FNDC4: variants seen among roughly 807,000 people sequenced by gnomAD.
FNDC4 encodes the protein fibronectin type III domain containing 4.
A neutral mutation model predicts 25.1 loss-of-function variants in FNDC4; 11 were observed. The observed-to-expected ratio is 0.44, with a 90% CI of 0.28 to 0.73. FNDC4 has a LOEUF of 0.73. FNDC4 is among the 30% of genes least tolerant of loss of function. The probability of loss-of-function intolerance (pLI) is 0.16; values close to 1 mark genes in which losing one functional copy is unlikely to be tolerated. For synonymous variants in FNDC4, 136 were observed against 118.8 expected (o/e 1.14, Z -0.94); for missense variants, 250 against 304.3 (o/e 0.82, Z 1.33).
chr2:27,494,520 C>T lies in FNDC4; in HGVS notation c.133+27G>A, dbSNP rs1185096237. ...TCACCCATTGACTAGCTGTGGTTGA[C>T]CCTCAGCCCCGTTCCCCTTTACTTA... On this transcript the variant is annotated intron_variant, in intron 2 of 6. Transcript: ENST00000264703. The surrounding 1 kb of genome is among the most constrained non-coding windows in gnomAD (Gnocchi z 4.6). 7 of 1,612,220 alleles carry T rather than the reference C, an allele frequency of 4.3e-6. No individual in the cohort carries two copies. The highest frequency in any genetic ancestry group is 1.7e-5 in the Admixed American group (1 of 59,690).
In FNDC4 at chr2:27,493,929, C is replaced by T; in HGVS notation, c.454+1G>A. ...GAGAATCCAATAGCACAGATCCTCA[C>T]CTGGGCTTGAACTGTTTGAAGGTAG... On this transcript the variant is annotated splice_donor_variant, in intron 4 of 6. Coordinates refer to ENST00000264703, the MANE Select transcript of FNDC4 (RefSeq NM_022823.3). LOFTEE classifies it high-confidence loss of function. 1 of 1,614,158 alleles carries T rather than the reference C, an allele frequency of 6.2e-7. No individual in the cohort carries two copies. The highest frequency in any genetic ancestry group is 8.5e-7 in the Non-Finnish European group (1 of 1,179,946).
Position 27,492,405 on chromosome 2 carries a change from G to C in FNDC4, c.*38C>G, listed in dbSNP as rs1262232634. ...CCCCCTGACCCCATCCCTATCCCCA[G>C]TTGTTAGTGCATCTCTCTTCTGGGT... On this transcript the variant is annotated 3_prime_UTR_variant, in exon 7 of 7. Transcript: ENST00000264703. This position sits in a 1 kb window ranked among gnomAD's most constrained non-coding sequence, Gnocchi z 4.1. 1 of 1,613,712 alleles carries C rather than the reference G, an allele frequency of 6.2e-7. No individual in the cohort carries two copies.
chr2:27,494,676 G>GCATCCGCTTGA lies in FNDC4; in HGVS notation c.-8_3dup (p.Pro2SerfsTer30), dbSNP rs760235499. 1.3e-6 allele frequency: 2 copies of GCATCCGCTTGA among 1,546,058 alleles called. No homozygotes were observed. Among genetic ancestry groups the GCATCCGCTTGA allele is most frequent in the Non-Finnish European group, 8.7e-7 (1 of 1,148,380 alleles). ...GGGGGGGAACTGTGGCATCCGCTTG[G>GCATCCGCTTGA]CATCCGCTTGACATCCAGGCGGGGC... On this transcript the variant is annotated frameshift_variant, in exon 2 of 7. Transcript: ENST00000264703. LOFTEE classifies it high-confidence loss of function. The surrounding 1 kb of genome is among the most constrained non-coding windows in gnomAD (Gnocchi z 4.6).
chr2:27,493,563 A>C lies in FNDC4; in HGVS notation c.455-85T>G, dbSNP rs1018158507. 2.5e-5 allele frequency: 28 copies of C among 1,102,776 alleles called. No homozygotes were observed. The African/African-American group carries it at 3.7e-4, about 14-fold the overall frequency. 68.3% of individuals were successfully genotyped at this position (1,102,776 alleles called of 1,614,324 possible). A position where few individuals can be genotyped will look rare whatever the true frequency, so the allele number is the denominator to read the frequency against. ...GCAGGATGGAGATGCTGGGGATTAG[A>C]AAGGGTGGACCCATCATAATGTTGC... On this transcript the variant is annotated intron_variant, in intron 4 of 6. Coordinates refer to ENST00000264703, the MANE Select transcript of FNDC4 (RefSeq NM_022823.3).
Position 27,492,340 on chromosome 2 carries a change from T to C in FNDC4, c.*103A>G. Reference sequence around the variant, plus strand: ...CAGGCCTGAGATTGTGGGAGTGGCATTACCCTCTGGGAGTCTCGGGCAGAT... The same window carrying C: ...CAGGCCTGAGATTGTGGGAGTGGCACTACCCTCTGGGAGTCTCGGGCAGAT... On this transcript the variant is annotated 3_prime_UTR_variant, in exon 7 of 7. Coordinates refer to ENST00000264703, the MANE Select transcript of FNDC4 (RefSeq NM_022823.3). This position sits in a 1 kb window ranked among gnomAD's most constrained non-coding sequence, Gnocchi z 4.1. 7.1e-7 allele frequency: 1 copy of C among 1,404,948 alleles called. No individual in the cohort carries two copies. Among genetic ancestry groups the C allele is most frequent in the Non-Finnish European group, 1.0e-6 (1 of 990,540 alleles). The allele number at this position is 1,404,948 out of a possible 1,614,324, so 87.0% of individuals were successfully genotyped here. A position where few individuals can be genotyped will look rare whatever the true frequency, so the allele number is the denominator to read the frequency against.
rs1455075716 is a variant in FNDC4 at position 27,492,424 on chromosome 2, T to G, written c.*19A>C. ...TCCCCAGTTGTTAGTGCATCTCTCT[T>G]CTGGGTGTGTTTCTTCACTCAAACG... On this transcript the variant is annotated 3_prime_UTR_variant, in exon 7 of 7. Transcript: ENST00000264703. This position sits in a 1 kb window ranked among gnomAD's most constrained non-coding sequence, Gnocchi z 4.1. 1.2e-6 allele frequency: 2 copies of G among 1,614,086 alleles called. No homozygotes were observed. Among genetic ancestry groups the G allele is most frequent in the South Asian group, 2.2e-5 (2 of 91,086 alleles).
In FNDC4 at chr2:27,492,795, AAC is replaced by A; in HGVS notation, c.545-7_545-6del. ...GGCAGAACAGCCCAATTACAGCTGA[AAC>A]ACAATACAGTCTGAGCCTTCATCTC... On this transcript the variant is annotated splice_region_variant and splice_polypyrimidine_tract_variant and intron_variant, in intron 5 of 6. Transcript: ENST00000264703. This position sits in a 1 kb window ranked among gnomAD's most constrained non-coding sequence, Gnocchi z 4.1. 5 of 1,614,034 alleles carry A rather than the reference AAC, an allele frequency of 3.1e-6. No homozygotes were observed. Among genetic ancestry groups the A allele is most frequent in the Non-Finnish European group, 4.2e-6 (5 of 1,180,016 alleles).
At position 27,492,852 on chromosome 2, in the gene FNDC4, G is replaced by T. The variant is rs145335408; in HGVS notation, c.545-62C>A. On this transcript the variant is annotated intron_variant, in intron 5 of 6. Transcript: ENST00000264703. The surrounding 1 kb of genome is among the most constrained non-coding windows in gnomAD (Gnocchi z 4.1). ...TCCCCCCTCATAGGGAGATACCTAC[G>T]TAGCTTCTAGAAAATCCATGAAGAA... 2 of 1,597,504 alleles carry T rather than the reference G, an allele frequency of 1.3e-6. No homozygotes were observed. The highest frequency in any genetic ancestry group is 1.3e-5 in the African/African-American group (1 of 74,706).
Position 27,494,438 on chromosome 2 carries a change from C to G in FNDC4, c.162G>C (p.Thr54=). 2.5e-6 allele frequency: 4 copies of G among 1,614,120 alleles called. No homozygotes were observed. Among genetic ancestry groups the G allele is most frequent in the Non-Finnish European group, 3.4e-6 (4 of 1,180,004 alleles). Residue 54 remains threonine (T), a synonymous_variant, in exon 3 of 7, where the codon ACG becomes ACC. Transcript: ENST00000264703. This position sits in a 1 kb window ranked among gnomAD's most constrained non-coding sequence, Gnocchi z 4.6. Reference sequence around the variant, plus strand: ...CCGAGTTGGCTCTGAGGTGAGTGACCGTCACATTCACAGGAGAGGGAGGCC... The same window carrying G: ...CCGAGTTGGCTCTGAGGTGAGTGACGGTCACATTCACAGGAGAGGGAGGCC... The part of the protein sequence containing the change: ...ADRPPSPVNV[T]VTHLRANSAT...
intron 4 of FNDC4, 129 bp from the exon 5 acceptor site, chr2:27,493,607 C>T (rs990139810): frequency 2.4e-6 from 2 of 834,996 alleles, no homozygotes; most frequent in Non-Finnish European, 4.0e-6. Context: ...TGTAGGGTAG[C>T]CCCTCCCTGG....
At chr2:27,493,693 G>C (rs535208464) in intron 4 of FNDC4, among the ~76,000 whole-genome samples, 132 of 152,326 alleles carry the variant, frequency 8.7e-4, no homozygotes, top group African/African-American at 3.1e-3. Flanking sequence ...ACTCATGCAG[G>C]CTGCAGCTGA....
At position 27,492,939 on chromosome 2, in the gene FNDC4, C is replaced by G; in HGVS notation, c.545-149G>C. 1 of 766,230 alleles carries G rather than the reference C, an allele frequency of 1.3e-6. No homozygotes were observed. Among genetic ancestry groups the G allele is most frequent in the Non-Finnish European group, 2.2e-6 (1 of 460,242 alleles). 47.5% of individuals were successfully genotyped at this position (766,230 alleles called of 1,614,324 possible). On this transcript the variant is annotated intron_variant, in intron 5 of 6. Transcript: ENST00000264703. This position sits in a 1 kb window ranked among gnomAD's most constrained non-coding sequence, Gnocchi z 4.1. The stretch of plus-strand genomic sequence containing the variant: ...CTGGGCTCTCAACAGCCTCCTCTCC[C>G]TCTCTTCAAAGTTCAAATCATCCCT...
rs990586552 is a variant in FNDC4, at chr2:27,492,494, G to T, written c.670-16C>A. On this transcript the variant is annotated splice_polypyrimidine_tract_variant and intron_variant, in intron 6 of 6. Coordinates refer to ENST00000264703, the MANE Select transcript of FNDC4 (RefSeq NM_022823.3). The surrounding 1 kb of genome is among the most constrained non-coding windows in gnomAD (Gnocchi z 4.1). ...GTGACTTTTTCTGTGAAAGAAAATG[G>T]CCTGAGTCTCAACTTCAGGAAGGTA... is the stretch of plus-strand genomic sequence containing the variant. 8 of 1,612,346 alleles carry T rather than the reference G, an allele frequency of 5.0e-6. No individual in the cohort carries two copies. Among genetic ancestry groups the T allele is most frequent in the Non-Finnish European group, 6.8e-6 (8 of 1,178,546 alleles).
In FNDC4 at chr2:27,494,219, C is replaced by T. The variant is rs151249191; in HGVS notation, c.250-85G>A. ...AACCAGAGACTCTTCAACATCCAAG[C>T]ACTCCGGGGGAGTAGCGTGAAAAGG... On this transcript the variant is annotated intron_variant, in intron 3 of 6. Coordinates refer to ENST00000264703, the MANE Select transcript of FNDC4 (RefSeq NM_022823.3). This position sits in a 1 kb window ranked among gnomAD's most constrained non-coding sequence, Gnocchi z 4.6. 3 of 1,446,306 alleles carry T rather than the reference C, an allele frequency of 2.1e-6. No homozygotes were observed. The highest frequency in any genetic ancestry group is 2.9e-6 in the Non-Finnish European group (3 of 1,042,820). 89.6% of individuals were successfully genotyped at this position (1,446,306 alleles called of 1,614,324 possible).
In FNDC4 at chr2:27,494,098, C is replaced by G. The variant is rs751625552; in HGVS notation, c.286G>C (p.Val96Leu). Reference sequence around the variant, plus strand: ...GCACAGGCCCGGGTGGTGGTGTTCACCTCCCGAATCACACGCTGCCCGGGG... The same window carrying G: ...GCACAGGCCCGGGTGGTGGTGTTCAGCTCCCGAATCACACGCTGCCCGGGG... Reference protein sequence around the residue: ...NGPGQRVIREVNTTTRACALW... With the variant: ...NGPGQRVIRELNTTTRACALW... Residue 96 changes from valine (V) to leucine (L), a missense_variant, in exon 4 of 7, where the codon GTG (valine) becomes CTG (leucine). Transcript: ENST00000264703. The surrounding 1 kb of genome is among the most constrained non-coding windows in gnomAD (Gnocchi z 4.6). 1 of 1,613,996 alleles carries G rather than the reference C, an allele frequency of 6.2e-7. No homozygotes were observed. Among genetic ancestry groups the G allele is most frequent in the East Asian group, 2.2e-5 (1 of 44,890 alleles).
chr2:27,494,016 A>AGGCC lies in FNDC4; in HGVS notation c.364_367dup (p.Leu123ArgfsTer21). On this transcript the variant is annotated frameshift_variant, in exon 4 of 7. Coordinates refer to ENST00000264703, the MANE Select transcript of FNDC4 (RefSeq NM_022823.3). LOFTEE classifies it high-confidence loss of function. This position sits in a 1 kb window ranked among gnomAD's most constrained non-coding sequence, Gnocchi z 4.6. ...GGGCCCTGGGGGACTCTCTCCCCGA[A>AGGCC]GGCCGATGCTCCTGACCTGCACTGT... The AGGCC allele has an allele frequency of 1.2e-6, 2 of 1,614,192 alleles. No homozygotes were observed. Among genetic ancestry groups the AGGCC allele is most frequent in the East Asian group, 2.2e-5 (1 of 44,880 alleles).
In FNDC4 at chr2:27,493,997, T is replaced by TG; in HGVS notation, c.386dup (p.Gly130ArgfsTer13). 6.2e-7 allele frequency: 1 copy of TG among 1,614,174 alleles called. No homozygotes were observed. Among genetic ancestry groups the TG allele is most frequent in the Non-Finnish European group, 8.5e-7 (1 of 1,180,024 alleles). On this transcript the variant is annotated frameshift_variant, in exon 4 of 7. Transcript: ENST00000264703. LOFTEE classifies it high-confidence loss of function. Reference sequence around the variant, plus strand: ...GAGTTCGGAAGTGCACCCGGGGCCCTGGGGGACTCTCTCCCCGAAGGCCGA... The same window carrying TG: ...GAGTTCGGAAGTGCACCCGGGGCCCTGGGGGGACTCTCTCCCCGAAGGCCGA...
Position 27,493,991 on chromosome 2 carries a change from G to T in FNDC4, c.393C>A (p.Pro131=), listed in dbSNP as rs542003816. 1.2e-6 allele frequency: 2 copies of T among 1,614,196 alleles called. No individual in the cohort carries two copies. The highest frequency in any genetic ancestry group is 4.5e-5 in the East Asian group (2 of 44,882). ...CCTTGAGAGTTCGGAAGTGCACCCG[G>T]GGCCCTGGGGGACTCTCTCCCCGAA... is the stretch of plus-strand genomic sequence containing the variant. The part of the protein sequence containing the change: ...IGLRGESPPG[P]RVHFRTLKGS... The change falls in exon 4 of 7, where the codon CCC becomes CCA. Residue 131 remains proline, a synonymous_variant. Coordinates refer to ENST00000264703, the MANE Select transcript of FNDC4 (RefSeq NM_022823.3).
chr2:27,493,429 C>T lies in FNDC4; in HGVS notation c.504G>A (p.Gly168=), dbSNP rs754430637. The T allele has an allele frequency of 3.5e-5, 57 of 1,613,942 alleles. No homozygotes were observed. The highest frequency in any genetic ancestry group is 4.6e-5 in the Non-Finnish European group (54 of 1,179,922). Residue 168 remains glycine, a synonymous_variant, in exon 5 of 7, where the codon GGG becomes GGA. Transcript: ENST00000264703. ...GLDGERPLQT[G]EVVIIVVVLL... is the part of the protein sequence containing the mutation. ...ACACCACCACAATGATGACCACTTCCCCAGTCTGCAGTGGCCGCTCTCCAT... is the reference window on the plus strand; with the variant it reads ...ACACCACCACAATGATGACCACTTCTCCAGTCTGCAGTGGCCGCTCTCCAT...
Sources: gnomAD v4.1 joint callset for allele counts (sites outside exome capture counted in the v4.1 genomes callset) on GRCh38, gnomAD v4.1.1 for gene constraint, Gnocchi (gnomAD v3.1) non-coding constraint, MANE v1.5 for transcripts, NCBI Gene and HGNC (gene_info 2026-07-23, HGNC 2026-07-21) for gene names.